The following PKP4 variants were observed in gnomAD, a reference collection of about 807,000 sequenced individuals.
PKP4 encodes the protein plakophilin-4.
A neutral mutation model predicts 145.1 loss-of-function variants in PKP4; 90 were observed. That is an observed-to-expected ratio of 0.62 (90% CI 0.52 to 0.74). The LOEUF (loss-of-function observed/expected upper bound fraction) is 0.74. PKP4 is among the 30% of genes least tolerant of loss of function. The pLI is 0.00. For synonymous variants in PKP4, 563 were observed against 577.2 expected, an observed-to-expected ratio of 0.98 and a Z score of 0.35; for missense variants, 1,340 against 1,482.7, an observed-to-expected ratio of 0.90 and a Z score of 1.58.
intron 1 of PKP4, among the ~76,000 whole-genome samples, chr2:158,466,599 G>A (rs1021151305): frequency 2.7e-4 from 41 of 152,216 alleles, no homozygotes; most frequent in African/African-American, 9.2e-4. Context: ...CAGCTACTTG[G>A]GAGGCTGAGG....
At chr2:158,650,005 T>C (rs1302289861) in intron 11 of PKP4, among the ~76,000 whole-genome samples, 1 of 152,086 alleles carries the variant, frequency 6.6e-6, no homozygotes, top group East Asian at 1.9e-4. Context: ...AGCTGTGGAG[T>C]ATATGACTTC....
At chr2:158,650,667 G>A (rs373008797) in intron 11 of PKP4, among the ~76,000 whole-genome samples, 2 of 152,296 alleles carry the variant, frequency 1.3e-5, no homozygotes, top group South Asian at 2.1e-4. Context: ...CTCCTAGGAA[G>A]CATCTTGCCC....
chr2:158,532,726 C>G (rs2043679195), intron 1 of PKP4, among the ~76,000 whole-genome samples: 1 of 152,212 alleles, frequency 6.6e-6, no homozygotes, highest in African/African-American at 2.4e-5. Flanking sequence ...TAATCAGATT[C>G]TTCTAAAGAA....
At chr2:158,522,681 G>T (rs137894343) in intron 1 of PKP4, among the ~76,000 whole-genome samples, 2 of 152,196 alleles carry the variant, frequency 1.3e-5, no homozygotes, top group Admixed American at 6.5e-5. Context: ...CGTGAGCGAC[G>T]CAGAAGACGG....
rs1248947219 is a variant in PKP4 at position 158,661,116 on chromosome 2, A to G, written c.2094-217A>G. On this transcript the variant is annotated intron_variant, in intron 12 of 21. Transcript: ENST00000389759. ...GAAAGTGACACGTCATGAGAGAGAT[A>G]CAGTCCAAATGTGCAGGTTCCCTTC... 9.0e-6 allele frequency: 4 copies of G among 443,230 alleles called. No homozygotes were observed. The East Asian group carries it at 1.6e-4, about 17-fold the overall frequency. 27.5% of individuals were successfully genotyped at this position (443,230 alleles called of 1,614,324 possible). A position where few individuals can be genotyped will look rare whatever the true frequency, so the allele number is the denominator to read the frequency against.
chr2:158,620,564 G>T (rs984665793), intron 4 of PKP4, among the ~76,000 whole-genome samples: 1 of 152,208 alleles, frequency 6.6e-6, no homozygotes, highest in Non-Finnish European at 1.5e-5. Context: ...TCTACCTTCA[G>T]AGGCTTCATC....
At chr2:158,616,595 T>A (rs1196694564) in intron 4 of PKP4, among the ~76,000 whole-genome samples, 3 of 152,194 alleles carry the variant, frequency 2.0e-5, no homozygotes, top group African/African-American at 7.2e-5. Flanking sequence ...TCGGGTGCTA[T>A]TGCTGTCCCA....
chr2:158,475,300 A>C (rs2105416595), intron 1 of PKP4, among the ~76,000 whole-genome samples: 1 of 152,202 alleles, frequency 6.6e-6, no homozygotes, highest in South Asian at 2.1e-4. Context: ...CTGTTTCCTC[A>C]CTAGATTGTG....
At chr2:158,553,839 A>G (rs1431203995) in intron 2 of PKP4, among the ~76,000 whole-genome samples, 1 of 152,132 alleles carries the variant, frequency 6.6e-6, no homozygotes, top group Non-Finnish European at 1.5e-5. Flanking sequence ...TCCAGGATGT[A>G]TTATACTCAA....
intron 4 of PKP4, among the ~76,000 whole-genome samples, chr2:158,615,547 T>C (rs2051520652): frequency 6.6e-6 from 1 of 152,210 alleles, no homozygotes; most frequent in African/African-American, 2.4e-5. Flanking sequence ...TTAACACTCA[T>C]TTTTATATGA....
intron 2 of PKP4, among the ~76,000 whole-genome samples, chr2:158,554,093 C>T (rs2045862919): frequency 6.6e-6 from 1 of 152,000 alleles, no homozygotes; most frequent in African/African-American, 2.4e-5. Context: ...TCTCCTTGCC[C>T]CCCGGTTGTT....
chr2:158,604,968 G>A (rs1301501414), intron 4 of PKP4, among the ~76,000 whole-genome samples: 1 of 152,156 alleles, frequency 6.6e-6, no homozygotes, highest in East Asian at 1.9e-4. Context: ...CTTATTCTTG[G>A]GAGGTAATGA....
intron 3 of PKP4, among the ~76,000 whole-genome samples, chr2:158,579,426 A>G (rs2024040): frequency 0.91 from 137,348 of 151,040 alleles, 62,535 homozygotes; most frequent in East Asian, 0.97. Flanking sequence ...ATGTATTTCC[A>G]AATTAGTTCT....
In PKP4 at chr2:158,617,918, C is replaced by T. The variant is rs542967365; in HGVS notation, c.281-3072C>T. On this transcript the variant is annotated intron_variant, in intron 4 of 21. Transcript: ENST00000389759. ...AACTGAATGGCCGAGCACAATGGCT[C>T]ACGCCTGTAATCCCAGCACTTTGGG... Among the ~76,000 whole-genome samples the T allele has an allele frequency of 3.9e-5, 6 of 152,358 alleles. No individual in the cohort carries two copies. The South Asian group carries it at 1.2e-3, about 32-fold the overall frequency.
chr2:158,679,890 T>A (rs910783665), intron 21 of PKP4, among the ~76,000 whole-genome samples: 1 of 152,234 alleles, frequency 6.6e-6, no homozygotes, highest in Non-Finnish European at 1.5e-5. Flanking sequence ...GTGACTGTTG[T>A]TCACCTAGCC....
intron 11 of PKP4, among the ~76,000 whole-genome samples, chr2:158,651,418 C>T (rs2055351186): frequency 8.1e-6 from 1 of 123,248 alleles, no homozygotes; most frequent in Non-Finnish European, 1.8e-5. Flanking sequence ...TAGGCTCTGC[C>T]CCTCCTAGCC....
intron 6 of PKP4, among the ~76,000 whole-genome samples, chr2:158,622,773 T>C (rs1351916444): frequency 6.6e-6 from 1 of 152,214 alleles, no homozygotes; most frequent in Non-Finnish European, 1.5e-5. Flanking sequence ...AGTCCTCAGA[T>C]TATATATTTA....
intron 4 of PKP4, among the ~76,000 whole-genome samples, chr2:158,609,117 A>G (rs1306778173): frequency 2.0e-5 from 3 of 152,140 alleles, no homozygotes; most frequent in South Asian, 2.1e-4. Flanking sequence ...GCACTGGCCC[A>G]TATTTCCTTT....
chr2:158,581,803 G>T (rs1048147899), intron 3 of PKP4, among the ~76,000 whole-genome samples: 17 of 152,188 alleles, frequency 1.1e-4, no homozygotes, highest in South Asian at 2.1e-4. Flanking sequence ...CAGTTTATTT[G>T]CAGTATGCCT....
Sources: gnomAD v4.1 joint callset for allele counts (sites outside exome capture counted in the v4.1 genomes callset) on GRCh38, gnomAD v4.1.1 for gene constraint, MANE v1.5 for transcripts, NCBI Gene and HGNC (gene_info 2026-07-23, HGNC 2026-07-21) for gene names.